NFATC1: variants seen among roughly 807,000 people sequenced by gnomAD.
The protein encoded by NFATC1 is nuclear factor of activated T cells 1, also known as nuclear factor of activated T-cells, cytoplasmic 1.
In NFATC1, 22 loss-of-function variants were observed where a neutral mutation model predicts 76.0. The ratio of observed to expected loss-of-function variants is 0.29; its 90% CI spans 0.21 to 0.41. The LOEUF (loss-of-function observed/expected upper bound fraction) is 0.41, where lower values mean the gene tolerates loss of function less well. NFATC1 is among the 10% of genes least tolerant of loss of function. The pLI is 1.00. For missense variants in NFATC1, 1,357 were observed against 1,337.7 expected (o/e 1.01, Z -0.23); for synonymous variants, 704 against 613.1 (o/e 1.15, Z -2.19).
chr18:79,400,764 A>AGC (rs77010657), intron 1 of NFATC1, among the ~76,000 whole-genome samples: 110,385 of 119,476 alleles, frequency 0.92, 51,001 homozygotes, highest in East Asian at 1. Flanking sequence ...GAGGCGGAGA[A>AGC]GCCCCAGCTC....
At position 79,440,709 on chromosome 18, in the gene NFATC1, C is replaced by A. The variant is rs561925864; in HGVS notation, c.1386+6971C>A. The stretch of plus-strand genomic sequence containing the variant: ...CCAGTGCTGAGGGTGGCAGCCATTT[C>A]TGAAGCCTCCCAGGTTTGTGCCCTG... On this transcript the variant is annotated intron_variant, in intron 3 of 9. Transcript: ENST00000427363. Among the ~76,000 whole-genome samples, 12 of 152,372 alleles carry A rather than the reference C, an allele frequency of 7.9e-5. No individual in the cohort carries two copies. In the East Asian group the frequency reaches 2.3e-3, roughly 29 times the overall value.
chr18:79,491,462 G>A (rs1447551059), intron 9 of NFATC1, among the ~76,000 whole-genome samples: 2 of 152,348 alleles, frequency 1.3e-5, no homozygotes, highest in Non-Finnish European at 2.9e-5. Flanking sequence ...GGGGTTGGAG[G>A]AAACAGGAGA....
Position 79,485,838 on chromosome 18 carries a change from C to T in NFATC1, c.2093-410C>T, listed in dbSNP as rs535741012. 7.2e-5 allele frequency among the ~76,000 whole-genome samples: 11 copies of T among 152,342 alleles called. No individual in the cohort carries two copies. The East Asian group carries it at 1.3e-3, about 19-fold the overall frequency. ...TGGATTTTTACTGACTCCTGAAAGC[C>T]GTCTTGTTCTGTGTTCGAGTTTACC... On this transcript the variant is annotated intron_variant, in intron 8 of 9. Coordinates refer to ENST00000427363, the MANE Select transcript of NFATC1 (RefSeq NM_001278669.2).
At chr18:79,492,553 C>T (rs1003905479) in intron 9 of NFATC1, among the ~76,000 whole-genome samples, 1 of 151,936 alleles carries the variant, frequency 6.6e-6, no homozygotes, top group Non-Finnish European at 1.5e-5. Flanking sequence ...ACTAAAAATA[C>T]AAAAAATTAG....
In NFATC1 at chr18:79,402,267, C is replaced by G. The variant is rs536585426; in HGVS notation, c.127+5916C>G. The G allele has an allele frequency of 2.6e-5, 24 of 933,016 alleles. No individual in the cohort carries two copies. The African/African-American group carries it at 3.6e-4, about 14-fold the overall frequency. 57.8% of individuals were successfully genotyped at this position (933,016 alleles called of 1,614,324 possible). On this transcript the variant is annotated intron_variant, in intron 1 of 9. Coordinates refer to ENST00000427363, the MANE Select transcript of NFATC1 (RefSeq NM_001278669.2). ...TCGAGGCCTAGTCTCACAAGGACGC[C>G]ACAGTTTATACACCATTTTGAGGTG...
chr18:79,402,895 C>T (rs916982590), intron 1 of NFATC1, among the ~76,000 whole-genome samples: 1 of 152,220 alleles, frequency 6.6e-6, no homozygotes, highest in Non-Finnish European at 1.5e-5. Flanking sequence ...CACGTTGTTT[C>T]TGGGATGAAC....
chr18:79,495,896 TGAACAGTAGTAAGGCGC>T (rs2089867821), intron 9 of NFATC1, among the ~76,000 whole-genome samples: 1 of 152,024 alleles, frequency 6.6e-6, no homozygotes, highest in African/African-American at 2.4e-5. Flanking sequence ...AGGCAAGCCG[TGAACAGTAGTAAGGCGC>T]CCGCGGGTGT....
intron 4 of NFATC1, among the ~76,000 whole-genome samples, chr18:79,450,523 C>T (rs1003612670): frequency 6.6e-6 from 1 of 151,988 alleles, no homozygotes; most frequent in Non-Finnish European, 1.5e-5. Flanking sequence ...TAAGTGAGAA[C>T]AGCAGGTGCC....
chr18:79,459,265 G>A (rs891535814), intron 6 of NFATC1, among the ~76,000 whole-genome samples: 15 of 152,254 alleles, frequency 9.9e-5, no homozygotes, highest in Admixed American at 2.6e-4. Flanking sequence ...CCTTGGGGCC[G>A]CTCCGGCAAG....
At chr18:79,402,353 C>T in intron 1 of NFATC1, 1 of 985,400 alleles carries the variant, frequency 1.0e-6, no homozygotes, top group Non-Finnish European at 1.2e-6. Context: ...CTCTCCTGAC[C>T]CAGAAGCAGG....
chr18:79,400,022 C>T (rs1254796635), intron 1 of NFATC1, among the ~76,000 whole-genome samples: 1 of 151,952 alleles, frequency 6.6e-6, no homozygotes, highest in Non-Finnish European at 1.5e-5. Context: ...GCCTTAGGTA[C>T]CTGGTGCCGC....
intron 9 of NFATC1, among the ~76,000 whole-genome samples, chr18:79,502,120 A>G (rs1233315857): frequency 2.0e-5 from 3 of 152,360 alleles, no homozygotes; most frequent in South Asian, 2.1e-4. Context: ...CTGTGAAGCT[A>G]TAATAATCAA....
At chr18:79,433,554 C>A in intron 2 of NFATC1, 25 bp from the exon 3 acceptor site, 1 of 1,612,372 alleles carries the variant, frequency 6.2e-7, no homozygotes, top group South Asian at 1.1e-5. Flanking sequence ...GTGCTGAACG[C>A]CTCCTCTGCT....
At chr18:79,440,509 G>A (rs2086932480) in intron 3 of NFATC1, among the ~76,000 whole-genome samples, 1 of 152,252 alleles carries the variant, frequency 6.6e-6, no homozygotes, top group Admixed American at 6.5e-5. Context: ...CTCGCTGCCT[G>A]AGCAATGGGC....
intron 8 of NFATC1, among the ~76,000 whole-genome samples, chr18:79,484,484 C>G (rs577425660): frequency 2.6e-5 from 4 of 152,260 alleles, no homozygotes; most frequent in East Asian, 3.9e-4. Context: ...CGCTTTAAAC[C>G]TCGATGTTTC....
rs113539618 is a variant in NFATC1, at chr18:79,459,704, G to A, written c.1904-1607G>A. ...TTCAGAGGACCACAGCCTTTTGTGG[G>A]GTGTGGACGGGGCCTCACCCCAAAG... On this transcript the variant is annotated intron_variant, in intron 6 of 9. Coordinates refer to ENST00000427363, the MANE Select transcript of NFATC1 (RefSeq NM_001278669.2). Among the ~76,000 whole-genome samples the A allele has an allele frequency of 5.4e-3, 815 of 152,248 alleles. 11 individuals carry two copies. The highest frequency in any genetic ancestry group is 0.018 in the African/African-American group (757 of 41,534).
At chr18:79,412,497 G>A (rs1222358227) in intron 2 of NFATC1, among the ~76,000 whole-genome samples, 1 of 151,996 alleles carries the variant, frequency 6.6e-6, no homozygotes, top group Non-Finnish European at 1.5e-5. Flanking sequence ...AGCACTCAGG[G>A]GGCGAGACCC....
chr18:79,412,356 G>A (rs1568928956), intron 2 of NFATC1, among the ~76,000 whole-genome samples: 1 of 152,186 alleles, frequency 6.6e-6, no homozygotes, highest in Non-Finnish European at 1.5e-5. Context: ...GTGACGTCAG[G>A]GCTGCCGCTG....
chr18:79,513,289 C>T (rs1051571495), intron 9 of NFATC1, among the ~76,000 whole-genome samples: 3 of 152,152 alleles, frequency 2.0e-5, no homozygotes, highest in African/African-American at 7.2e-5. Flanking sequence ...GACCTGCTTC[C>T]CGTGGCAGAG....
Sources: gnomAD v4.1 joint callset for allele counts (sites outside exome capture counted in the v4.1 genomes callset) on GRCh38, gnomAD v4.1.1 for gene constraint, MANE v1.5 for transcripts, NCBI Gene and HGNC (gene_info 2026-07-23, HGNC 2026-07-21) for gene names.